Variants in PATJ observed in about 807,000 individuals in gnomAD.
PATJ encodes inaD-like protein.
A neutral mutation model predicts 224.9 loss-of-function variants in PATJ; 190 were observed. That is an observed-to-expected ratio of 0.84 (90% CI 0.75 to 0.95). PATJ has a LOEUF of 0.95. Ranked by LOEUF, PATJ falls within the 40% of genes least tolerant of loss-of-function variation. The probability of loss-of-function intolerance (pLI) is 0.00; values close to 1 mark genes in which losing one functional copy is unlikely to be tolerated. For missense variants in PATJ, 2,121 were observed against 2,270.3 expected (o/e 0.93, Z 1.34); for synonymous variants, 769 against 820.3 (o/e 0.94, Z 1.07).
intron 24 of PATJ, among the ~76,000 whole-genome samples, chr1:61,904,294 T>C (rs1671579513): frequency 6.6e-6 from 1 of 152,238 alleles, no homozygotes; most frequent in Admixed American, 6.5e-5. Flanking sequence ...GAAATCATCA[T>C]AAATTTATAG....
At position 61,997,785 on chromosome 1, in the gene PATJ, T is replaced by TTTTTGTTTTG. The variant is rs3060985; in HGVS notation, c.3867+7451_3867+7460dup. ...CTTCTTAGTTTTTTATGTGTGCGGT[T>TTTTTGTTTTG]TTTTGTTTTGTTTTGTTTTGTTTTG... On this transcript the variant is annotated intron_variant, in intron 28 of 43. Coordinates refer to ENST00000642238, the MANE Select transcript of PATJ (RefSeq NM_001350145.3). 2.5e-3 allele frequency among the ~76,000 whole-genome samples: 348 copies of TTTTTGTTTTG among 137,094 alleles called. 5 individuals are homozygous for TTTTTGTTTTG. The South Asian group carries it at 0.036, about 14-fold the overall frequency. The allele number at this position is 137,094 out of a possible 152,430, so 89.9% of individuals were successfully genotyped here.
intron 14 of PATJ, among the ~76,000 whole-genome samples, chr1:61,812,521 A>C (rs887183767): frequency 6.6e-6 from 1 of 150,734 alleles, no homozygotes; most frequent in Non-Finnish European, 1.5e-5. Flanking sequence ...CAGTTCTGTA[A>C]GAGTCAGACC....
At position 61,851,419 on chromosome 1, in the gene PATJ, G is replaced by A. The variant is rs564703865; in HGVS notation, c.2113-4611G>A. ...TGGCAGTGGGTCAGGGAGGGCGTTC[G>A]TGGCTGAGGGGATGGTTTGCATTAA... On this transcript the variant is annotated intron_variant, in intron 17 of 43. Coordinates refer to ENST00000642238, the MANE Select transcript of PATJ (RefSeq NM_001350145.3). Among the ~76,000 whole-genome samples, 24 of 152,180 alleles carry A rather than the reference G, an allele frequency of 1.6e-4. 1 individual carries two copies. In the South Asian group the frequency reaches 4.6e-3, roughly 29 times the overall value.
At chr1:62,100,720 G>A (rs1329473475) in intron 33 of PATJ, among the ~76,000 whole-genome samples, 1 of 152,188 alleles carries the variant, frequency 6.6e-6, no homozygotes, top group African/African-American at 2.4e-5. Context: ...TTTAATGAAT[G>A]TTTATTGAGT....
At position 62,084,565 on chromosome 1, in the gene PATJ, C is replaced by T. The variant is rs947531017; in HGVS notation, c.4294C>T (p.Pro1432Ser). ...GGACCCCGCAACGTGTCCCATTGTC[C>T]CTGGACAGGAAATGATTATAGAAAT... ...SVDPATCPIV[P>S]GQEMIIEISK... Residue 1432 changes from proline to serine, a missense_variant, in exon 33 of 44, where the codon CCT becomes TCT. By Grantham distance (74) the Pro-to-Ser change is moderately conservative. Coordinates refer to ENST00000642238, the MANE Select transcript of PATJ (RefSeq NM_001350145.3). 4 of 1,613,150 alleles carry T rather than the reference C, an allele frequency of 2.5e-6. No individual in the cohort carries two copies.
At chr1:61,918,726 G>A (rs531457668) in intron 26 of PATJ, among the ~76,000 whole-genome samples, 7 of 152,250 alleles carry the variant, frequency 4.6e-5, no homozygotes, top group African/African-American at 1.4e-4. Context: ...ACTTTAGGAG[G>A]CCTAAGTAGG....
chr1:62,114,361 A>G (rs1010058950), intron 35 of PATJ, 115 bp downstream of exon 35: 5 of 971,832 alleles, frequency 5.1e-6, no homozygotes, highest in African/African-American at 1.7e-5. Context: ...TAAAAATAAG[A>G]TATTTATGAA....
At chr1:61,823,144 A>C (rs1482145757) in intron 15 of PATJ, 65 bp downstream of exon 15, 32 of 1,531,160 alleles carry the variant, frequency 2.1e-5, no homozygotes, top group Non-Finnish European at 2.8e-5. Context: ...ACGTGTTCTC[A>C]TCACAAATCC....
chr1:61,908,396 G>A lies in PATJ; in HGVS notation c.3406G>A (p.Ala1136Thr). Residue 1136 changes from alanine (A) to threonine (T), a missense_variant, in exon 25 of 44, where the codon GCC becomes ACC. Coordinates refer to ENST00000642238, the MANE Select transcript of PATJ (RefSeq NM_001350145.3). Reference protein sequence around the residue: ...LEVSGVDLQNASHSEAVEAIK... With the variant: ...LEVSGVDLQNTSHSEAVEAIK... ...GGTGTCTGGAGTAGATTTGCAGAAT[G>A]CCTCACACAGCGAAGCAGTTGAGGC... The A allele has an allele frequency of 6.2e-7, 1 of 1,613,646 alleles. No individual in the cohort carries two copies. The highest frequency in any genetic ancestry group is 8.5e-7 in the Non-Finnish European group (1 of 1,179,624).
chr1:62,094,608 CAG>C (rs1186248767), intron 33 of PATJ, among the ~76,000 whole-genome samples: 4 of 142,524 alleles, frequency 2.8e-5, no homozygotes, highest in Non-Finnish European at 4.6e-5. Flanking sequence ...CACACACACA[CAG>C]AGATGTTAGT....
At chr1:62,092,514 G>A (rs1296530158) in intron 33 of PATJ, among the ~76,000 whole-genome samples, 1 of 150,492 alleles carries the variant, frequency 6.6e-6, no homozygotes, top group Non-Finnish European at 1.5e-5. Context: ...TGTCGTCCAG[G>A]CTGGAGTTCT....
At chr1:61,752,601 C>T (rs1481253590) in intron 1 of PATJ, among the ~76,000 whole-genome samples, 1 of 152,130 alleles carries the variant, frequency 6.6e-6, no homozygotes, top group African/African-American at 2.4e-5. Context: ...GCTGGGATTA[C>T]AGGGGTGAGC....
Position 62,086,391 on chromosome 1 carries a change from T to C in PATJ, c.4377+1743T>C, listed in dbSNP as rs1179136988. Among the ~76,000 whole-genome samples the C allele has an allele frequency of 6.6e-6, 1 of 152,174 alleles. No homozygotes were observed. The highest frequency in any genetic ancestry group is 1.5e-5 in the Non-Finnish European group (1 of 68,022). ...AAAAGTGAAAAATAAATCTCCCTCC[T>C]ACCTTTTTGCCCTAGCTCTGCCCTT... On this transcript the variant is annotated intron_variant, in intron 33 of 43. Coordinates refer to ENST00000642238, the MANE Select transcript of PATJ (RefSeq NM_001350145.3). This position sits in a 1 kb window ranked among gnomAD's most constrained non-coding sequence, Gnocchi z 4.0.
At chr1:61,932,682 C>T (rs1367577306) in intron 27 of PATJ, among the ~76,000 whole-genome samples, 1 of 152,104 alleles carries the variant, frequency 6.6e-6, no homozygotes, top group Non-Finnish European at 1.5e-5. Context: ...GGTGGATCAC[C>T]TGAGGTCAGG....
At chr1:62,066,418 C>G (rs1310279131) in intron 31 of PATJ, among the ~76,000 whole-genome samples, 2 of 151,128 alleles carry the variant, frequency 1.3e-5, no homozygotes, top group African/African-American at 4.9e-5. Flanking sequence ...GGGTCACACT[C>G]TGTCGCCCAG....
intron 30 of PATJ, among the ~76,000 whole-genome samples, chr1:62,048,771 A>G (rs2148574942): frequency 6.6e-6 from 1 of 152,262 alleles, no homozygotes; most frequent in East Asian, 1.9e-4. Flanking sequence ...CCCAAATTTG[A>G]AGTTAGAAAT....
intron 11 of PATJ, among the ~76,000 whole-genome samples, chr1:61,798,462 C>T (rs1302949567): frequency 6.6e-6 from 1 of 152,102 alleles, no homozygotes; most frequent in Non-Finnish European, 1.5e-5. Flanking sequence ...GCCTCCTAAA[C>T]TACTGGGATT....
At chr1:61,783,745 C>T (rs1393432496) in intron 7 of PATJ, among the ~76,000 whole-genome samples, 11 of 117,850 alleles carry the variant, frequency 9.3e-5, no homozygotes, top group Admixed American at 2.1e-4. Flanking sequence ...AGAGTTGCTA[C>T]TTTTTTTTTT....
rs146148630 is a variant in PATJ at position 62,098,885 on chromosome 1, T to A, written c.4378-9552T>A. 6.8e-4 allele frequency among the ~76,000 whole-genome samples: 104 copies of A among 152,302 alleles called. 1 individual carries two copies. Among genetic ancestry groups the A allele is most frequent in the African/African-American group, 2.4e-3 (100 of 41,562 alleles). ...ACATTCAAATTTTTTTTATTTTTTT[T>A]AATTCTACTCTGTTAACTGAATCCT... On this transcript the variant is annotated intron_variant, in intron 33 of 43. Coordinates refer to ENST00000642238, the MANE Select transcript of PATJ (RefSeq NM_001350145.3).
Sources: gnomAD v4.1 joint callset for allele counts (sites outside exome capture counted in the v4.1 genomes callset) on GRCh38, gnomAD v4.1.1 for gene constraint, Gnocchi (gnomAD v3.1) non-coding constraint, MANE v1.5 for transcripts, NCBI Gene and HGNC (gene_info 2026-07-23, HGNC 2026-07-21) for gene names.